Variants in DENND1A observed in about 807,000 individuals in gnomAD.
The protein encoded by DENND1A is DENN domain-containing protein 1A.
A neutral mutation model predicts 113.7 loss-of-function variants in DENND1A; 51 were observed. That is an observed-to-expected ratio of 0.45 (90% CI 0.36 to 0.57). The LOEUF (loss-of-function observed/expected upper bound fraction) is 0.57. Among genes scored for constraint, DENND1A ranks in the 20% least tolerant of loss-of-function variants. The probability of loss-of-function intolerance (pLI) is 0.00; values close to 1 mark genes in which losing one functional copy is unlikely to be tolerated. For synonymous variants in DENND1A, 565 were observed against 570.8 expected (o/e 0.99, Z 0.14); for missense variants, 1,258 against 1,395.9 (o/e 0.90, Z 1.57).
At chr9:123,700,015 A>C (rs1399230103) in intron 5 of DENND1A, among the ~76,000 whole-genome samples, 1 of 152,008 alleles carries the variant, frequency 6.6e-6, no homozygotes, top group Non-Finnish European at 1.5e-5. Flanking sequence ...TCATTTTTTA[A>C]CAGACTACCC....
intron 12 of DENND1A, among the ~76,000 whole-genome samples, chr9:123,581,441 C>G (rs1395894948): frequency 6.6e-6 from 1 of 151,986 alleles, no homozygotes; most frequent in Non-Finnish European, 1.5e-5. Flanking sequence ...TGAGACCAGT[C>G]TGGGCAACAC....
chr9:123,885,282 A>G (rs976255687), intron 1 of DENND1A, among the ~76,000 whole-genome samples: 3 of 152,226 alleles, frequency 2.0e-5, no homozygotes, highest in Non-Finnish European at 1.5e-5. Flanking sequence ...TCCAAAGTAC[A>G]GTCAAGGTTG....
rs142924173 is a variant in DENND1A at position 123,457,754 on chromosome 9, C to G, written c.1098+39G>C. On this transcript the variant is annotated intron_variant, in intron 14 of 23. Coordinates refer to ENST00000394215, the MANE Select transcript of DENND1A (RefSeq NM_001352964.2). ...TGGAGACAGCTGCAGAAATCCCCGC[C>G]AGGGAGCCAGACCCAGGCCAGACCA... is the stretch of plus-strand genomic sequence containing the variant. 3.1e-3 allele frequency: 4,878 copies of G among 1,559,818 alleles called. 15 individuals carry two copies. Among genetic ancestry groups the G allele is most frequent in the Non-Finnish European group, 3.7e-3 (4,234 of 1,147,618 alleles).
chr9:123,711,198 C>T (rs1340471596), intron 5 of DENND1A, among the ~76,000 whole-genome samples: 1 of 151,796 alleles, frequency 6.6e-6, no homozygotes, highest in Non-Finnish European at 1.5e-5. Flanking sequence ...GGTGCGGTGG[C>T]TCACACCTGT....
At chr9:123,558,226 A>G (rs1448710688) in intron 12 of DENND1A, among the ~76,000 whole-genome samples, 1 of 152,216 alleles carries the variant, frequency 6.6e-6, no homozygotes, top group Non-Finnish European at 1.5e-5. Flanking sequence ...CTACATACCT[A>G]GCAACAAACT....
chr9:123,892,425 G>C (rs375245418), intron 1 of DENND1A, among the ~76,000 whole-genome samples: 9 of 152,102 alleles, frequency 5.9e-5, no homozygotes, highest in African/African-American at 9.7e-5. Context: ...AAGTAACATA[G>C]ACAAAACATA....
At chr9:123,789,524 T>C (rs914444932) in intron 3 of DENND1A, among the ~76,000 whole-genome samples, 3 of 152,076 alleles carry the variant, frequency 2.0e-5, no homozygotes, top group African/African-American at 7.2e-5. Flanking sequence ...AGCAAAAAGA[T>C]GAAACTGATG....
At chr9:123,637,899 G>C (rs985988175) in intron 9 of DENND1A, among the ~76,000 whole-genome samples, 1 of 141,850 alleles carries the variant, frequency 7.0e-6, no homozygotes, top group Non-Finnish European at 1.5e-5. Flanking sequence ...TTTTGGGAAA[G>C]GGAAGGAATA....
chr9:123,800,038 C>T (rs1834377008), intron 2 of DENND1A, among the ~76,000 whole-genome samples: 1 of 152,170 alleles, frequency 6.6e-6, no homozygotes, highest in East Asian at 1.9e-4. Context: ...TTAAAATTTT[C>T]CCATTGCCTT....
At chr9:123,792,897 G>A (rs1318261233) in intron 2 of DENND1A, among the ~76,000 whole-genome samples, 2 of 152,168 alleles carry the variant, frequency 1.3e-5, no homozygotes, top group African/African-American at 4.8e-5. Flanking sequence ...CTTGCCAGCT[G>A]CAAATTGCCC....
intron 2 of DENND1A, among the ~76,000 whole-genome samples, chr9:123,821,321 T>C (rs988901116): frequency 3.9e-5 from 6 of 152,180 alleles, no homozygotes; most frequent in African/African-American, 1.2e-4. Context: ...ATATATCTCT[T>C]ACATTTTTTA....
intron 2 of DENND1A, among the ~76,000 whole-genome samples, chr9:123,848,254 A>G (rs1192299080): frequency 6.9e-6 from 1 of 145,296 alleles, no homozygotes; most frequent in African/African-American, 2.5e-5. Context: ...AAAAAAAAAA[A>G]AAACAAATTG....
chr9:123,640,197 G>A (rs2061953857), intron 9 of DENND1A, among the ~76,000 whole-genome samples: 1 of 152,188 alleles, frequency 6.6e-6, no homozygotes, highest in South Asian at 2.1e-4. Flanking sequence ...CCACACAAAA[G>A]CATTATGAAA....
intron 13 of DENND1A, among the ~76,000 whole-genome samples, chr9:123,497,785 A>G (rs2052065067): frequency 7.0e-6 from 1 of 143,326 alleles, no homozygotes; most frequent in Non-Finnish European, 1.5e-5. Context: ...TTCTAGTTTT[A>G]TTTCCACAGT....
At chr9:123,500,948 TA>T (rs1347146770) in intron 13 of DENND1A, among the ~76,000 whole-genome samples, 13 of 152,222 alleles carry the variant, frequency 8.5e-5, no homozygotes, top group African/African-American at 2.9e-4. Flanking sequence ...ACATATAGCA[TA>T]AAATTTACTG....
At chr9:123,395,497 A>T (rs571653577) in intron 21 of DENND1A, among the ~76,000 whole-genome samples, 18 of 103,584 alleles carry the variant, frequency 1.7e-4, no homozygotes, top group South Asian at 6.8e-4. Flanking sequence ...TGTGTGTGAC[A>T]GAGAGAGAGA....
At chr9:123,862,185 T>C (rs1845153859) in intron 2 of DENND1A, among the ~76,000 whole-genome samples, 1 of 152,188 alleles carries the variant, frequency 6.6e-6, no homozygotes, top group Non-Finnish European at 1.5e-5. Context: ...CCATAAAGTA[T>C]ATTATATACA....
At position 123,510,334 on chromosome 9, in the gene DENND1A, C is replaced by T. The variant is rs74518688; in HGVS notation, c.993+47236G>A. 3.0e-3 allele frequency among the ~76,000 whole-genome samples: 452 copies of T among 152,348 alleles called. 2 individuals carry two copies. The highest frequency in any genetic ancestry group is 0.01 in the African/African-American group (432 of 41,582). ...TATACATGTTATGCGGTCATATGAA[C>T]TCATCTGATAAAGGGAAATACACAA... On this transcript the variant is annotated intron_variant, in intron 13 of 23. Coordinates refer to ENST00000394215, the MANE Select transcript of DENND1A (RefSeq NM_001352964.2).
In DENND1A at chr9:123,381,456, CCTGAG is replaced by C. The variant is rs758753385; in HGVS notation, c.3184_3188del (p.Leu1062GlufsTer101). 6.2e-7 allele frequency: 1 copy of C among 1,613,338 alleles called. No homozygotes were observed. The highest frequency in any genetic ancestry group is 8.5e-7 in the Non-Finnish European group (1 of 1,179,950). On this transcript the variant is annotated frameshift_variant, in exon 24 of 24. Transcript: ENST00000394215. LOFTEE classifies it high-confidence loss of function. The surrounding 1 kb of genome is among the most constrained non-coding windows in gnomAD (Gnocchi z 4.7). ...CTCACTCGAAGGTCTCCCACTGCTT[CCTGAG>C]CTGCTCCACCGAGTCTGGGGCCGGG...
Sources: allele counts gnomAD v4.1 joint callset (sites outside exome capture counted in the v4.1 genomes callset), GRCh38; gene constraint gnomAD v4.1.1; non-coding constraint Gnocchi (gnomAD v3.1); transcripts MANE v1.5; gene names NCBI Gene and HGNC (gene_info 2026-07-23, HGNC 2026-07-21).